The following THUMPD2 variants were observed in gnomAD, a reference collection of about 807,000 sequenced individuals.
The protein encoded by THUMPD2 is THUMP domain 2 tRNA and snRNA guanosine methyltransferase, also known as U6 snRNA (guanine-N(2))-methyltransferase THUMPD2.
Under a neutral mutation model 49.4 loss-of-function variants are expected in THUMPD2, and 56 were observed. The observed-to-expected ratio is 1.13, with a 90% CI of 0.91 to 1.41. The LOEUF is 1.41. Ranked by LOEUF, THUMPD2 falls within the 40% of genes most tolerant of loss-of-function variation. The pLI, the probability that THUMPD2 is intolerant of heterozygous loss-of-function variation, is 0.00. For synonymous variants in THUMPD2, 237 were observed against 205.2 expected (o/e 1.15, Z -1.32); for missense variants, 709 against 594.5 (o/e 1.19, Z -2.00).
At chr2:39,774,286 G>A (rs551771230) in intron 1 of THUMPD2, among the ~76,000 whole-genome samples, 103 of 152,298 alleles carry the variant, frequency 6.8e-4, no homozygotes, top group African/African-American at 2.5e-3. Flanking sequence ...TGTATGTATA[G>A]ATTACATTTA....
chr2:39,763,761 T>A (rs1289550455), intron 5 of THUMPD2, among the ~76,000 whole-genome samples: 3 of 152,230 alleles, frequency 2.0e-5, no homozygotes, highest in Non-Finnish European at 4.4e-5. Flanking sequence ...GCTTTAAGGA[T>A]AACATCCAAG....
At chr2:39,742,336 G>A (rs1483468357) in intron 9 of THUMPD2, among the ~76,000 whole-genome samples, 1 of 152,100 alleles carries the variant, frequency 6.6e-6, no homozygotes, top group African/African-American at 2.4e-5. Context: ...CAGGAAGTCA[G>A]GAATATGCAT....
intron 8 of THUMPD2, among the ~76,000 whole-genome samples, chr2:39,747,614 C>T (rs962380444): frequency 6.6e-6 from 1 of 151,960 alleles, no homozygotes; most frequent in Non-Finnish European, 1.5e-5. Context: ...TATGGTGGCC[C>T]TGAAAACGTA....
At chr2:39,776,476 C>G (rs1288420811) in intron 1 of THUMPD2, among the ~76,000 whole-genome samples, 1 of 151,450 alleles carries the variant, frequency 6.6e-6, no homozygotes, top group African/African-American at 2.4e-5. Flanking sequence ...TCACTGCAAC[C>G]TCCGCCTCCA....
chr2:39,762,399 C>T (rs1355122942), intron 5 of THUMPD2, among the ~76,000 whole-genome samples: 1 of 152,134 alleles, frequency 6.6e-6, no homozygotes, highest in East Asian at 1.9e-4. Flanking sequence ...TTTAACTTAT[C>T]CTGTTTTTGT....
At chr2:39,755,448 T>C in intron 7 of THUMPD2, 39 bp from the exon 8 acceptor site, 2 of 1,319,804 alleles carry the variant, frequency 1.5e-6, no homozygotes, top group Non-Finnish European at 2.1e-6. Flanking sequence ...AATAAAATTA[T>C]TACATATTTC....
chr2:39,771,672 C>G, intron 1 of THUMPD2, 32 bp from the exon 2 acceptor site: 1 of 1,574,186 alleles, frequency 6.4e-7, no homozygotes, highest in Non-Finnish European at 8.6e-7. Flanking sequence ...TTAATGTAGT[C>G]CAGTGTCAGT....
chr2:39,761,486 T>A, intron 5 of THUMPD2, 68 bp from the exon 6 acceptor site: 1 of 1,373,690 alleles, frequency 7.3e-7, no homozygotes, highest in Non-Finnish European at 1.0e-6. Context: ...ATGATTTACC[T>A]GTCCAAATCT....
Position 39,779,181 on chromosome 2 carries a change from C to A in THUMPD2, c.59G>T (p.Cys20Phe). The A allele has an allele frequency of 6.6e-7, 1 of 1,519,734 alleles. No homozygotes were observed. Among genetic ancestry groups the A allele is most frequent in the East Asian group, 2.6e-5 (1 of 38,340 alleles). The allele number at this position is 1,519,734 out of a possible 1,614,324, so 94.1% of individuals were successfully genotyped here. The part of the protein sequence containing the change: ...SGPEAGARFF[C>F]TAGRGLEPFV... ...CGGCTCCAGGCCGCGACCCGCAGTG[C>A]AGAAGAATCGGGCGCCAGCCTCAGG... is the stretch of plus-strand genomic sequence containing the variant. Residue 20 changes from cysteine (C) to phenylalanine (F), a missense_variant, in exon 1 of 10, where the codon TGC becomes TTC. Physicochemically the swap from Cys to Phe is radical, Grantham distance 205. Transcript: ENST00000505747.
In THUMPD2 at chr2:39,769,862, G is replaced by A; in HGVS notation, c.520C>T (p.Gln174Ter). ...EKQIKEETLE[Q>*]RDFTTKSEKF... is the part of the protein sequence containing the mutation. ...TCGCTTTTAGTGGTAAAATCTCTTT[G>A]CTCCAGAGTTTCTTCTTTTATTTGT... Residue 174 changes from glutamine to a stop codon, truncating the protein, a stop_gained, in exon 3 of 10, where the codon CAA (glutamine) becomes TAA (stop). Transcript: ENST00000505747. LOFTEE classifies it high-confidence loss of function. 6.2e-7 allele frequency: 1 copy of A among 1,607,558 alleles called. No homozygotes were observed. The highest frequency in any genetic ancestry group is 8.5e-7 in the Non-Finnish European group (1 of 1,178,112).
chr2:39,738,605 A>AT (rs1673463563), intron 9 of THUMPD2, among the ~76,000 whole-genome samples: 2 of 140,472 alleles, frequency 1.4e-5, no homozygotes, highest in African/African-American at 5.3e-5. Context: ...ATGTAAAAAT[A>AT]TATATATAAT....
chr2:39,779,259 C>A, upstream of THUMPD2: 1 of 1,474,692 alleles, frequency 6.8e-7, no homozygotes, highest in Non-Finnish European at 8.9e-7. Flanking sequence ...GGCGCGCCCT[C>A]GCGCCTTCGG....
chr2:39,748,082 T>C (rs897950693), intron 8 of THUMPD2, among the ~76,000 whole-genome samples: 1 of 152,222 alleles, frequency 6.6e-6, no homozygotes, highest in Admixed American at 6.5e-5. Flanking sequence ...GATCAATGTC[T>C]TCCTGCTGCC....
At position 39,753,243 on chromosome 2, in the gene THUMPD2, C is replaced by A. The variant is rs547281884; in HGVS notation, c.1078+2052G>T. Among the ~76,000 whole-genome samples the A allele has an allele frequency of 9.5e-4, 145 of 152,238 alleles. 3 individuals carry two copies. Among genetic ancestry groups the A allele is most frequent in the Non-Finnish European group, 1.8e-3 (124 of 68,010 alleles). The stretch of plus-strand genomic sequence containing the variant: ...TTACCTCCTCCCATTCTCTCAAGAG[C>A]CCCTCCAGGGAAGCTGCCCTTGACT... On this transcript the variant is annotated intron_variant, in intron 8 of 9. Coordinates refer to ENST00000505747, the MANE Select transcript of THUMPD2 (RefSeq NM_025264.5).
intron 1 of THUMPD2, among the ~76,000 whole-genome samples, chr2:39,778,032 C>T (rs76235339): frequency 6.6e-6 from 1 of 152,136 alleles, no homozygotes; most frequent in African/African-American, 2.4e-5. Context: ...TTTCCCAGCT[C>T]GGGTTTGAAT....
intron 8 of THUMPD2, among the ~76,000 whole-genome samples, chr2:39,745,707 G>A (rs1489777186): frequency 6.6e-6 from 1 of 151,872 alleles, no homozygotes; most frequent in Non-Finnish European, 1.5e-5. Context: ...TTTTTCTTCT[G>A]GGTCTCCATT....
At chr2:39,761,080 C>T (rs531525074) in intron 6 of THUMPD2, among the ~76,000 whole-genome samples, 4 of 152,126 alleles carry the variant, frequency 2.6e-5, no homozygotes, top group South Asian at 2.1e-4. Context: ...TGACACAAAA[C>T]ATTAGAAATA....
chr2:39,766,268 T>C, intron 4 of THUMPD2, 159 bp from the exon 5 acceptor site: 2 of 485,890 alleles, frequency 4.1e-6, no homozygotes, highest in Middle Eastern at 5.3e-4. Context: ...ATAATCTTTT[T>C]TTTTCTTAAG....
At chr2:39,748,695 A>AT (rs1193193823) in intron 8 of THUMPD2, among the ~76,000 whole-genome samples, 2 of 152,018 alleles carry the variant, frequency 1.3e-5, no homozygotes, top group Non-Finnish European at 2.9e-5. Context: ...TCAAAAAAAA[A>AT]CAAAAAAAGT....
Sources: allele counts gnomAD v4.1 joint callset (sites outside exome capture counted in the v4.1 genomes callset), GRCh38; gene constraint gnomAD v4.1.1; transcripts MANE v1.5; gene names NCBI Gene and HGNC (gene_info 2026-07-23, HGNC 2026-07-21).